Variants in RNF17 observed in about 807,000 individuals in gnomAD.
The protein encoded by RNF17 is ring finger protein 17, also known as spermatogenesis associated 23.
RNF17 carries 31 observed loss-of-function variants against 200.5 expected under a neutral mutation model. The observed-to-expected ratio is 0.15, with a 90% CI of 0.12 to 0.21. The LOEUF (loss-of-function observed/expected upper bound fraction) is 0.21, where lower values mean the gene tolerates loss of function less well. Among genes scored for constraint, RNF17 ranks in the 10% least tolerant of loss-of-function variants. RNF17 has a pLI of 1.00. For synonymous variants in RNF17, 606 were observed against 637.8 expected (o/e 0.95, Z 0.75); for missense variants, 1,628 against 1,905.1 (o/e 0.85, Z 2.71).
At chr13:24,861,149 G>T in intron 26 of RNF17, 119 bp from the exon 27 acceptor site, 1 of 775,460 alleles carries the variant, frequency 1.3e-6, no homozygotes, top group Non-Finnish European at 2.0e-6. Context: ...AGAGTGCTGG[G>T]ATTATAGGCA....
At chr13:24,750,721 T>A in the RNF17 span, 1 of 152,248 alleles carries the variant, frequency 6.6e-6, no homozygotes, top group South Asian at 2.1e-4. Context: ...ACTGAAACAG[T>A]CTTTTAAATG....
chr13:24,776,259 CT>C (rs1412006610), intron 3 of RNF17, among the ~76,000 whole-genome samples: 1 of 152,122 alleles, frequency 6.6e-6, no homozygotes, highest in Non-Finnish European at 1.5e-5. Flanking sequence ...TGTGTAGCTC[CT>C]TGTCAGACTC....
intron 1 of RNF17, 40 bp downstream of exon 1, chr13:24,764,373 G>A: frequency 1.3e-6 from 2 of 1,533,766 alleles, no homozygotes; most frequent in South Asian, 2.4e-5. Flanking sequence ...GAGGCAGCCT[G>A]GAGGGAGCGC....
chr13:24,880,262 G>A (rs891656392), downstream of RNF17, among the ~76,000 whole-genome samples: 4 of 152,104 alleles, frequency 2.6e-5, no homozygotes, highest in Non-Finnish European at 4.4e-5. Flanking sequence ...GGGGGGAAAC[G>A]CCCCTTATAA....
At chr13:24,797,703 A>AGTGTGTGTGTGT in intron 11 of RNF17, among the ~76,000 whole-genome samples, 1 of 23,082 alleles carries the variant, frequency 4.3e-5, no homozygotes, top group Non-Finnish European at 1.0e-4. Context: ...AGAGAGACAA[A>AGTGTGTGTGTGT]GAGTGTGTGT....
intron 15 of RNF17, among the ~76,000 whole-genome samples, chr13:24,809,529 C>CT (rs1566163490): frequency 6.6e-6 from 1 of 152,128 alleles, no homozygotes; most frequent in South Asian, 2.1e-4. Flanking sequence ...ATTCTTCTCT[C>CT]TTTTTTTCTT....
Position 24,799,422 on chromosome 13 carries a change from A to C in RNF17, c.1427A>C (p.Lys476Thr). Residue 476 changes from lysine (K) to threonine (T), a missense_variant, in exon 12 of 36, where the codon AAA becomes ACA. Lys to Thr is a moderately conservative substitution (Grantham distance 78). This residue lies in a region of RNF17 where 289 missense variants were observed against 384.9 expected (regional missense o/e 0.75). Transcript: ENST00000255324. The part of the protein sequence containing the change: ...LGARIFVSSI[K>T]NGMWCRGTIT... Reference sequence around the variant, plus strand: ...GCAAGAATATTTGTCAGCAGTATTAAAAATGGAATGTGGTGTCGAGGAACT... The same window carrying C: ...GCAAGAATATTTGTCAGCAGTATTACAAATGGAATGTGGTGTCGAGGAACT... 1 of 1,608,932 alleles carries C rather than the reference A, an allele frequency of 6.2e-7. No homozygotes were observed. The highest frequency in any genetic ancestry group is 1.1e-5 in the South Asian group (1 of 90,150).
chr13:24,847,349 A>AT (rs58067264), intron 22 of RNF17, among the ~76,000 whole-genome samples: 11 of 138,866 alleles, frequency 7.9e-5, no homozygotes, highest in African/African-American at 1.6e-4. Context: ...TTATTTATTT[A>AT]TTTTTTTTTT....
At chr13:24,884,482 A>G (rs375417441), downstream of RNF17, 476 of 1,613,504 alleles carry the variant, frequency 3.0e-4, 1 homozygote, top group Middle Eastern at 6.6e-4. Context: ...CCAACACAAG[A>G]TTATCACCTA....
chr13:24,830,578 G>C lies in RNF17; in HGVS notation c.2340G>C (p.Glu780Asp), dbSNP rs562322222. ...AAGACGTGCGTAAAATAAAGGATGA[G>C]TTTCTGAATGCCCCAGAGAAGGTAA... ...TIKDVRKIKD[E>D]FLNAPEKAIK... is the part of the protein sequence containing the mutation. The change falls in exon 17 of 36, where the codon GAG (glutamate) becomes GAC (aspartate). Residue 780 changes from glutamate (E) to aspartate (D), a missense_variant. Glu to Asp is a conservative substitution (Grantham distance 45). Transcript: ENST00000255324. 7.0e-5 allele frequency: 112 copies of C among 1,607,662 alleles called. No homozygotes were observed. The South Asian group carries it at 1.2e-3, about 17-fold the overall frequency.
intron 27 of RNF17, among the ~76,000 whole-genome samples, chr13:24,862,075 A>G (rs1486088064): frequency 6.6e-6 from 1 of 152,206 alleles, no homozygotes; most frequent in Non-Finnish European, 1.5e-5. Flanking sequence ...ACTCACAATC[A>G]GCATGGGGGA....
intron 5 of RNF17, among the ~76,000 whole-genome samples, chr13:24,780,306 T>C (rs1390050164): frequency 6.6e-6 from 1 of 152,068 alleles, no homozygotes; most frequent in African/African-American, 2.4e-5. Context: ...AGAAGAGTTA[T>C]GAGAGAAAAA....
intron 27 of RNF17, among the ~76,000 whole-genome samples, chr13:24,861,913 G>T (rs1893138819): frequency 6.6e-6 from 1 of 152,170 alleles, no homozygotes; most frequent in Non-Finnish European, 1.5e-5. Context: ...AGGGTTAATT[G>T]ACTCACAGTT....
chr13:24,789,468 G>A, intron 8 of RNF17, 44 bp downstream of exon 8: 1 of 1,328,254 alleles, frequency 7.5e-7, no homozygotes, highest in Non-Finnish European at 1.1e-6. Flanking sequence ...GTATAAAGAT[G>A]TGCTGGAACT....
downstream of RNF17, chr13:24,884,259 C>T (rs375165864): frequency 5.1e-5 from 83 of 1,614,008 alleles, no homozygotes; most frequent in African/African-American, 1.0e-3. Context: ...TAAAGACACA[C>T]AGTCAGTCTG....
At position 24,850,375 on chromosome 13, in the gene RNF17, G is replaced by A. The variant is rs533905907; in HGVS notation, c.3136G>A (p.Ala1046Thr). 6.2e-7 allele frequency: 1 copy of A among 1,613,778 alleles called. No individual in the cohort carries two copies. The highest frequency in any genetic ancestry group is 1.3e-5 in the African/African-American group (1 of 75,066). Residue 1046 changes from alanine (A) to threonine (T), a missense_variant, in exon 23 of 36, where the codon GCT (alanine) becomes ACT (threonine). This residue lies in a region of RNF17 where 227 missense variants were observed against 319.8 expected (regional missense o/e 0.71). Transcript: ENST00000255324. ...AGGSDKWTAT[A>T]CDCLSLYLTG... is the part of the protein sequence containing the mutation. Reference sequence around the variant, plus strand: ...TGGGAGTGACAAGTGGACAGCAACAGCTTGTGACTGTCTTTCATTGTACCT... The same window carrying A: ...TGGGAGTGACAAGTGGACAGCAACAACTTGTGACTGTCTTTCATTGTACCT...
chr13:24,847,580 A>G (rs1391268575), intron 22 of RNF17, among the ~76,000 whole-genome samples: 1 of 152,096 alleles, frequency 6.6e-6, no homozygotes. Flanking sequence ...TCCTGACCTC[A>G]AGTGATGTGT....
Position 24,764,341 on chromosome 13 carries a change from G to A in RNF17, c.130+8G>A. On this transcript the variant is annotated splice_region_variant and intron_variant, in intron 1 of 35. Transcript: ENST00000255324. The stretch of plus-strand genomic sequence containing the variant: ...GGGTATCCAGATCATCCGGTGAGGA[G>A]CCCAAGGGCCCACCTAGCGGGGAGG... 6.3e-7 allele frequency: 1 copy of A among 1,583,028 alleles called. No individual in the cohort carries two copies. The highest frequency in any genetic ancestry group is 8.6e-7 in the Non-Finnish European group (1 of 1,162,282).
chr13:24,878,648 A>G (rs1457242407), intron 34 of RNF17, among the ~76,000 whole-genome samples: 1 of 152,154 alleles, frequency 6.6e-6, no homozygotes, highest in African/African-American at 2.4e-5. Flanking sequence ...AAGAGGAGAA[A>G]AGGTGTCCCC....
Sources: allele counts gnomAD v4.1 joint callset (sites outside exome capture counted in the v4.1 genomes callset), GRCh38; gene constraint gnomAD v4.1.1; regional missense constraint gnomAD v4.1.1; transcripts MANE v1.5; gene names NCBI Gene and HGNC (gene_info 2026-07-23, HGNC 2026-07-21).